Variants in ESPN observed in about 807,000 individuals in gnomAD.
ESPN encodes espin, also known as autosomal recessive deafness type 36 protein.
In ESPN, 68 loss-of-function variants were observed where a neutral mutation model predicts 77.7. That is an observed-to-expected ratio of 0.87 (90% CI 0.72 to 1.07). The LOEUF (loss-of-function observed/expected upper bound fraction) is 1.07, where lower values mean the gene tolerates loss of function less well. ESPN is among the 50% of genes least tolerant of loss of function. ESPN has a pLI of 0.00. For synonymous variants in ESPN, 449 were observed against 567.1 expected (o/e 0.79, Z 2.96); for missense variants, 1,060 against 1,239.0 (o/e 0.86, Z 2.17).
At chr1:6,440,842 T>G in intron 4 of ESPN, 34 bp downstream of exon 4, 1 of 1,454,784 alleles carries the variant, frequency 6.9e-7, no homozygotes, top group Non-Finnish European at 9.0e-7. Flanking sequence ...GCGCGCGCCC[T>G]CTGCTGGCAC....
In ESPN at chr1:6,440,957, C is replaced by T. The variant is rs1023507079; in HGVS notation, c.882C>T (p.Asn294=). ...ELECCQILVV[N]GAELDVRDRD... is the part of the protein sequence containing the mutation. ...AGTGCTGCCAGATCCTGGTAGTGAACGGCGCGGAGCTGGACGTCCGCGACC... is the reference window on the plus strand; with the variant it reads ...AGTGCTGCCAGATCCTGGTAGTGAATGGCGCGGAGCTGGACGTCCGCGACC... The change falls in exon 5 of 13, where the codon AAC becomes AAT. Residue 294 remains asparagine (N), a synonymous_variant. Transcript: ENST00000645284. 1.9e-6 allele frequency: 3 copies of T among 1,594,036 alleles called. No individual in the cohort carries two copies. The highest frequency in any genetic ancestry group is 2.6e-6 in the Non-Finnish European group (3 of 1,171,550).
rs1311721136 is a variant in ESPN at position 6,425,041 on chromosome 1, C to G, written c.86C>G (p.Pro29Arg). The G allele has an allele frequency of 2.7e-6, 4 of 1,468,772 alleles. No homozygotes were observed. In the African/African-American group the frequency reaches 5.9e-5, roughly 22 times the overall value. 91.0% of individuals were successfully genotyped at this position (1,468,772 alleles called of 1,614,324 possible). A position where few individuals can be genotyped will look rare whatever the true frequency, so the allele number is the denominator to read the frequency against. The change falls in exon 1 of 13, where the codon CCC (proline) becomes CGC (arginine). Residue 29 changes from proline (P) to arginine (R), a missense_variant. Physicochemically the swap from Pro to Arg is moderately radical, Grantham distance 103 (BLOSUM62 -2). Transcript: ENST00000645284. ...CTGCACGCCGCAGGCCTCCTGGGGCCCTCGCTGCGCGACCCGCTGGACGCG... is the reference window on the plus strand; with the variant it reads ...CTGCACGCCGCAGGCCTCCTGGGGCGCTCGCTGCGCGACCCGCTGGACGCG... The part of the protein sequence containing the change: ...RSLHAAGLLG[P>R]SLRDPLDALP...
Position 6,440,980 on chromosome 1 carries a change from A to C in ESPN, c.905A>C (p.Asp302Ala). 6 of 1,605,856 alleles carry C rather than the reference A, an allele frequency of 3.7e-6. No individual in the cohort carries two copies. The highest frequency in any genetic ancestry group is 5.1e-6 in the Non-Finnish European group (6 of 1,177,394). ...VVNGAELDVR[D>A]RDGYTAADLS... ...AACGGCGCGGAGCTGGACGTCCGCGACCGCGACGGGTACACGGCCGCCGAC... is the reference window on the plus strand; with the variant it reads ...AACGGCGCGGAGCTGGACGTCCGCGCCCGCGACGGGTACACGGCCGCCGAC... The change falls in exon 5 of 13, where the codon GAC (aspartate) becomes GCC (alanine). Residue 302 changes from aspartate (D) to alanine (A), a missense_variant. Transcript: ENST00000645284.
rs1557723427 is a variant in ESPN, at chr1:6,460,753, ACCTC to A, written c.*612_*615del. ...CCCCCGGGACCCCACCTCTGGCCCC[ACCTC>A]CCTCAAGTCTGCGCCCCGTCCCCAG... is the stretch of plus-strand genomic sequence containing the variant. On this transcript the variant is annotated 3_prime_UTR_variant, in exon 13 of 13. Transcript: ENST00000645284. 5.6e-6 allele frequency: 1 copy of A among 177,006 alleles called. No individual in the cohort carries two copies. Among genetic ancestry groups the A allele is most frequent in the Non-Finnish European group, 1.2e-5 (1 of 83,356 alleles). 11.0% of individuals were successfully genotyped at this position (177,006 alleles called of 1,614,324 possible). A position where few individuals can be genotyped will look rare whatever the true frequency, so the allele number is the denominator to read the frequency against.
intron 5 of ESPN, among the ~76,000 whole-genome samples, chr1:6,443,692 C>T (rs906622646): frequency 1.1e-4 from 17 of 152,242 alleles, no homozygotes; most frequent in Admixed American, 3.9e-4. Context: ...GGCCAATGAG[C>T]GCGGCCGCTG....
chr1:6,433,519 A>G (rs887745960), intron 2 of ESPN, among the ~76,000 whole-genome samples: 9 of 152,044 alleles, frequency 5.9e-5, no homozygotes, highest in African/African-American at 2.2e-4. Context: ...AGGCATGAGA[A>G]TCACTTGAAC....
At position 6,424,961 on chromosome 1, in the gene ESPN, C is replaced by A; in HGVS notation, c.6C>A (p.Ala2=). The A allele has an allele frequency of 6.9e-7, 1 of 1,454,770 alleles. No individual in the cohort carries two copies. The highest frequency in any genetic ancestry group is 9.0e-7 in the Non-Finnish European group (1 of 1,108,144). The allele number at this position is 1,454,770 out of a possible 1,614,324, so 90.1% of individuals were successfully genotyped here. ...GCGGCGCCGCACGCGGCACCATGGCCCTGGAGCAGGCGCTGCAGGCGGCGC... is the reference window on the plus strand; with the variant it reads ...GCGGCGCCGCACGCGGCACCATGGCACTGGAGCAGGCGCTGCAGGCGGCGC... The part of the protein sequence containing the change: M[A]LEQALQAARQ... Residue 2 remains alanine, a synonymous_variant, in exon 1 of 13, where the codon GCC becomes GCA. Coordinates refer to ENST00000645284, the MANE Select transcript of ESPN (RefSeq NM_031475.3).
In ESPN at chr1:6,451,872, C is replaced by A. The variant is rs1643950639; in HGVS notation, c.2101C>A (p.Pro701Thr). The change falls in exon 10 of 13, where the codon CCA becomes ACA. Residue 701 changes from proline to threonine, a missense_variant. Physicochemically the swap from Pro to Thr is conservative, Grantham distance 38. This residue lies in a region of ESPN where 374 missense variants were observed against 381.4 expected (regional missense o/e 0.98). Coordinates refer to ENST00000645284, the MANE Select transcript of ESPN (RefSeq NM_031475.3). The surrounding 1 kb of genome is among the most constrained non-coding windows in gnomAD (Gnocchi z 4.3). Reference sequence around the variant, plus strand: ...GCCTTCTGTGTCACCTGCACTGTCACCAGTCCGGAGCCCCACACCGCCAGC... The same window carrying A: ...GCCTTCTGTGTCACCTGCACTGTCAACAGTCCGGAGCCCCACACCGCCAGC... ...PLPSVSPALS[P>T]VRSPTPPAAG... is the part of the protein sequence containing the mutation. The A allele has an allele frequency of 6.2e-7, 1 of 1,611,644 alleles. No individual in the cohort carries two copies. The highest frequency in any genetic ancestry group is 8.5e-7 in the Non-Finnish European group (1 of 1,179,352).
At chr1:6,448,469 T>G (rs1314833073) in intron 7 of ESPN, 172 bp from the exon 8 acceptor site, 3 of 558,234 alleles carry the variant, frequency 5.4e-6, no homozygotes, top group East Asian at 3.5e-5. Context: ...GAGGCCCCCA[T>G]GACCCTCGCC....
chr1:6,442,979 C>T (rs947107193), intron 5 of ESPN: 1 of 151,618 alleles, frequency 6.6e-6, no homozygotes, highest in African/African-American at 2.4e-5. Context: ...CGAGACCAGC[C>T]TGGTCAACAT....
At chr1:6,431,628 C>CAAAAAAAAAAA (rs760363517) in intron 2 of ESPN, among the ~76,000 whole-genome samples, 2 of 61,758 alleles carry the variant, frequency 3.2e-5, no homozygotes, top group African/African-American at 4.8e-5. Context: ...AAGATTCTGT[C>CAAAAAAAAAAA]AAAAAAAAAA....
At chr1:6,444,167 G>A (rs1470334006) in intron 5 of ESPN, among the ~76,000 whole-genome samples, 1 of 152,198 alleles carries the variant, frequency 6.6e-6, no homozygotes, top group Non-Finnish European at 1.5e-5. Flanking sequence ...GGAGAAGGCC[G>A]ATCTCCTGGC....
At chr1:6,430,838 G>T (rs767596617) in intron 2 of ESPN, among the ~76,000 whole-genome samples, 2 of 152,184 alleles carry the variant, frequency 1.3e-5, no homozygotes, top group Non-Finnish European at 2.9e-5. Flanking sequence ...GGCAGGAGCC[G>T]GGCTGGGCAA....
In ESPN at chr1:6,427,574, G is replaced by A. The variant is rs1413612919; in HGVS notation, c.295-652G>A. On this transcript the variant is annotated intron_variant, in intron 1 of 12. Coordinates refer to ENST00000645284, the MANE Select transcript of ESPN (RefSeq NM_031475.3). The surrounding 1 kb of genome is among the most constrained non-coding windows in gnomAD (Gnocchi z 4.6). ...CCCCGGACCCGCCCACCAGTACCCA[G>A]CAACTTCCACCTCCACAGGGGCGAG... Among the ~76,000 whole-genome samples, 5 of 152,310 alleles carry A rather than the reference G, an allele frequency of 3.3e-5. No individual in the cohort carries two copies. The South Asian group carries it at 1.0e-3, about 32-fold the overall frequency.
intron 10 of ESPN, chr1:6,454,464 C>A (rs1354558825): frequency 2.5e-6 from 1 of 398,994 alleles, no homozygotes; most frequent in Non-Finnish European, 4.4e-6. Flanking sequence ...CTGCTACCCC[C>A]GCGAGGGCTG....
rs572566815 is a variant in ESPN, at chr1:6,450,206, G to T, written c.1915+1115G>T. Among the ~76,000 whole-genome samples, 133 of 152,300 alleles carry T rather than the reference G, an allele frequency of 8.7e-4. No homozygotes were observed. Among genetic ancestry groups the T allele is most frequent in the African/African-American group, 3.1e-3 (127 of 41,574 alleles). ...AGGCCCTTGCTAGGGGCTAGAGCCA[G>T]TGGTGGCCCTGCCCAGCCCTCAGGG... On this transcript the variant is annotated intron_variant, in intron 8 of 12. Transcript: ENST00000645284. This position sits in a 1 kb window ranked among gnomAD's most constrained non-coding sequence, Gnocchi z 4.3.
At chr1:6,441,445 G>A (rs1164317565) in intron 5 of ESPN, among the ~76,000 whole-genome samples, 4 of 152,118 alleles carry the variant, frequency 2.6e-5, no homozygotes, top group African/African-American at 7.2e-5. Flanking sequence ...GTGAGTCTGC[G>A]GGGCACCAAG....
chr1:6,433,352 G>C (rs1260921507), intron 2 of ESPN, among the ~76,000 whole-genome samples: 1 of 152,066 alleles, frequency 6.6e-6, no homozygotes, highest in Non-Finnish European at 1.5e-5. Flanking sequence ...GCTGAGGCAG[G>C]AGAATTGCTT....
In ESPN at chr1:6,460,065, G is replaced by A; in HGVS notation, c.2484G>A (p.Arg828=). The A allele has an allele frequency of 6.2e-7, 1 of 1,613,596 alleles. No homozygotes were observed. Among genetic ancestry groups the A allele is most frequent in the Admixed American group, 1.7e-5 (1 of 60,028 alleles). ...RREKEQSEKL[R]TLGYDESKLA... ...AGAAGGAACAGTCAGAGAAGCTGCG[G>A]ACGCTGGGCTACGATGAGAGCAAGC... Residue 828 remains arginine (R), a synonymous_variant, in exon 13 of 13, where the codon CGG becomes CGA. Coordinates refer to ENST00000645284, the MANE Select transcript of ESPN (RefSeq NM_031475.3).
Sources: allele counts gnomAD v4.1 joint callset (sites outside exome capture counted in the v4.1 genomes callset), GRCh38; gene constraint gnomAD v4.1.1; regional missense constraint gnomAD v4.1.1; non-coding constraint Gnocchi (gnomAD v3.1); transcripts MANE v1.5; gene names NCBI Gene and HGNC (gene_info 2026-07-23, HGNC 2026-07-21).